GRIN2A: variants seen among roughly 807,000 people sequenced by gnomAD.
The protein encoded by GRIN2A is glutamate ionotropic receptor NMDA type subunit 2A.
Under a neutral mutation model 113.4 loss-of-function variants are expected in GRIN2A, and 22 were observed. The ratio of observed to expected loss-of-function variants is 0.19; its 90% CI spans 0.14 to 0.28. The LOEUF (loss-of-function observed/expected upper bound fraction) is 0.28, where lower values mean the gene tolerates loss of function less well. Ranked by LOEUF, GRIN2A falls within the 10% of genes least tolerant of loss-of-function variation. The probability of loss-of-function intolerance (pLI) is 1.00; values close to 1 mark genes in which losing one functional copy is unlikely to be tolerated. For synonymous variants in GRIN2A, 827 were observed against 738.4 expected (o/e 1.12, Z -1.94); for missense variants, 1,502 against 1,887.0 (o/e 0.80, Z 3.78).
intron 10 of GRIN2A, among the ~76,000 whole-genome samples, chr16:9,817,964 C>T (rs1051817010): frequency 1.3e-5 from 2 of 151,710 alleles, no homozygotes; most frequent in Non-Finnish European, 2.9e-5. Flanking sequence ...CCTTCTTCAA[C>T]CTTCCAGAGG....
At chr16:9,825,389 T>C (rs371732308) in intron 9 of GRIN2A, among the ~76,000 whole-genome samples, 2 of 152,184 alleles carry the variant, frequency 1.3e-5, no homozygotes, top group Non-Finnish European at 2.9e-5. Flanking sequence ...TCCTTACAGT[T>C]TGGAGAACAG....
In GRIN2A at chr16:9,849,949, C is replaced by G; in HGVS notation, c.1135G>C (p.Glu379Gln). Residue 379 changes from glutamate (E) to glutamine (Q), a missense_variant, in exon 5 of 13, where the codon GAG (glutamate) becomes CAG (glutamine). Coordinates refer to ENST00000330684, the MANE Select transcript of GRIN2A (RefSeq NM_001134407.3). ...TGCCTCAGGCTCAGCGTATGGTTCT[C>G]CCACTTGCCCACCTGCAGCACAAAC... ...DREWEKVGKW[E>Q]NHTLSLRHAV... The G allele has an allele frequency of 6.2e-7, 1 of 1,613,650 alleles. No individual in the cohort carries two copies. Among genetic ancestry groups the G allele is most frequent in the Non-Finnish European group, 8.5e-7 (1 of 1,179,654 alleles).
At chr16:10,006,051 GTTGTAATAA>G (rs1286288118) in intron 2 of GRIN2A, among the ~76,000 whole-genome samples, 3 of 152,182 alleles carry the variant, frequency 2.0e-5, no homozygotes, top group African/African-American at 7.2e-5. Context: ...GATGTAGGCT[GTTGTAATAA>G]TAACCTACTT....
intron 2 of GRIN2A, among the ~76,000 whole-genome samples, chr16:10,081,111 T>A (rs1035127321): frequency 1.3e-5 from 2 of 152,180 alleles, no homozygotes; most frequent in East Asian, 3.8e-4. Flanking sequence ...ATGTCGTTAA[T>A]ATAAATATCT....
intron 10 of GRIN2A, among the ~76,000 whole-genome samples, chr16:9,805,980 T>G (rs1278262431): frequency 6.6e-6 from 1 of 152,210 alleles, no homozygotes; most frequent in African/African-American, 2.4e-5. Context: ...AGAATCACAT[T>G]TTGATTCTGG....
rs4371153 is a variant in GRIN2A at position 9,911,590 on chromosome 16, T to C, written c.1008-20490A>G. 8.0e-3 allele frequency among the ~76,000 whole-genome samples: 1,225 copies of C among 152,276 alleles called. 6 individuals carry two copies. The highest frequency in any genetic ancestry group is 0.013 in the Non-Finnish European group (853 of 68,016). ...GAGTCCTGAGCACCATCCCAATCCCTGTATCCAGTGGCTCTCATTAATATT... is the reference window on the plus strand; with the variant it reads ...GAGTCCTGAGCACCATCCCAATCCCCGTATCCAGTGGCTCTCATTAATATT... On this transcript the variant is annotated intron_variant, in intron 3 of 12. Transcript: ENST00000330684.
At chr16:9,904,069 G>A (rs2043984463) in intron 3 of GRIN2A, among the ~76,000 whole-genome samples, 1 of 152,208 alleles carries the variant, frequency 6.6e-6, no homozygotes, top group Non-Finnish European at 1.5e-5. Context: ...ACAACTGTTG[G>A]TGTTTATACC....
At position 9,880,192 on chromosome 16, in the gene GRIN2A, T is replaced by G. The variant is rs148216620; in HGVS notation, c.1122+10794A>C. Among the ~76,000 whole-genome samples the G allele has an allele frequency of 2.8e-4, 43 of 152,194 alleles. No homozygotes were observed. In the East Asian group the frequency reaches 8.1e-3, roughly 29 times the overall value. ...TCCACTTCCAAGCTCACTCAGATTG[T>G]TGGGCAAGCTCACCTCCTTGGGGTT... On this transcript the variant is annotated intron_variant, in intron 4 of 12. Coordinates refer to ENST00000330684, the MANE Select transcript of GRIN2A (RefSeq NM_001134407.3).
At chr16:9,916,017 T>A (rs1446631990) in intron 3 of GRIN2A, among the ~76,000 whole-genome samples, 1 of 152,214 alleles carries the variant, frequency 6.6e-6, no homozygotes, top group Non-Finnish European at 1.5e-5. Flanking sequence ...CTGCAACAAT[T>A]TCTCATCTGC....
intron 2 of GRIN2A, among the ~76,000 whole-genome samples, chr16:10,113,341 C>G (rs1315531840): frequency 6.6e-6 from 1 of 152,172 alleles, no homozygotes; most frequent in Non-Finnish European, 1.5e-5. Flanking sequence ...TGACCTAGGC[C>G]AAGAGGAGGT....
chr16:10,022,189 G>A (rs547184334), intron 2 of GRIN2A, among the ~76,000 whole-genome samples: 2 of 151,954 alleles, frequency 1.3e-5, no homozygotes, highest in South Asian at 2.1e-4. Flanking sequence ...ATAAATATGT[G>A]TTGAATAAGT....
At chr16:9,957,462 A>G (rs1255998980) in intron 2 of GRIN2A, among the ~76,000 whole-genome samples, 2 of 152,172 alleles carry the variant, frequency 1.3e-5, no homozygotes, top group South Asian at 2.1e-4. Context: ...CCTTTAATAA[A>G]CTTTTTTCAT....
chr16:9,771,799 G>C (rs1329729673), intron 11 of GRIN2A, among the ~76,000 whole-genome samples: 1 of 152,110 alleles, frequency 6.6e-6, no homozygotes, highest in Non-Finnish European at 1.5e-5. Flanking sequence ...ATGAGTTTTT[G>C]TATGGAAAAA....
At chr16:9,818,033 A>C (rs2042217247) in intron 10 of GRIN2A, among the ~76,000 whole-genome samples, 1 of 151,624 alleles carries the variant, frequency 6.6e-6, no homozygotes, top group South Asian at 2.1e-4. Flanking sequence ...TTTTTTTTTT[A>C]AGGCTCGGTG....
intron 2 of GRIN2A, among the ~76,000 whole-genome samples, chr16:9,949,656 G>A (rs2045125608): frequency 6.6e-6 from 1 of 150,660 alleles, no homozygotes; most frequent in Admixed American, 6.6e-5. Context: ...TAAACAGATG[G>A]ACAGATGGAT....
Position 9,755,932 on chromosome 16 carries a change from C to G in GRIN2A, c.*7217G>C, listed in dbSNP as rs1192890064. On this transcript the variant is annotated 3_prime_UTR_variant, in exon 13 of 13. Coordinates refer to ENST00000330684, the MANE Select transcript of GRIN2A (RefSeq NM_001134407.3). ...GCTGGTCCTCAATCATTCTGACTAC[C>G]AAAGCTCTCCATCATTCATGCAGAA... The G allele has an allele frequency of 9.3e-6, 2 of 215,538 alleles. No homozygotes were observed. Among genetic ancestry groups the G allele is most frequent in the African/African-American group, 4.5e-5 (2 of 44,366 alleles). 13.4% of individuals were successfully genotyped at this position (215,538 alleles called of 1,614,324 possible). A position where few individuals can be genotyped will look rare whatever the true frequency, so the allele number is the denominator to read the frequency against.
At chr16:9,864,213 T>C (rs1237845041) in intron 4 of GRIN2A, among the ~76,000 whole-genome samples, 1 of 152,162 alleles carries the variant, frequency 6.6e-6, no homozygotes, top group Non-Finnish European at 1.5e-5. Context: ...AGTAAACAGC[T>C]CTTTTGGGGA....
At chr16:9,927,981 G>A (rs1188940524) in intron 3 of GRIN2A, among the ~76,000 whole-genome samples, 2 of 152,180 alleles carry the variant, frequency 1.3e-5, no homozygotes, top group African/African-American at 4.8e-5. Flanking sequence ...GTGGGGATTT[G>A]GACAATGGTA....
chr16:9,858,267 C>G (rs564127454), intron 4 of GRIN2A, among the ~76,000 whole-genome samples: 6 of 152,098 alleles, frequency 3.9e-5, no homozygotes, highest in Non-Finnish European at 8.8e-5. Flanking sequence ...CTTATAATAA[C>G]AGTAAAAATT....
Sources: gnomAD v4.1 joint callset for allele counts (sites outside exome capture counted in the v4.1 genomes callset) on GRCh38, gnomAD v4.1.1 for gene constraint, MANE v1.5 for transcripts, NCBI Gene and HGNC (gene_info 2026-07-23, HGNC 2026-07-21) for gene names.